The following RAD52 variants were observed in gnomAD, a reference collection of about 807,000 sequenced individuals.
The protein encoded by RAD52 is DNA repair protein RAD52 homolog.
Under a neutral mutation model 55.5 loss-of-function variants are expected in RAD52, and 47 were observed. That is an observed-to-expected ratio of 0.85 (90% CI 0.67 to 1.08). The LOEUF (loss-of-function observed/expected upper bound fraction) is 1.08. Ranked by LOEUF, RAD52 falls within the 50% of genes least tolerant of loss-of-function variation. The pLI is 0.00. For synonymous variants in RAD52, 184 were observed against 198.9 expected (o/e 0.92, Z 0.63); for missense variants, 468 against 522.8 (o/e 0.90, Z 1.02).
chr12:928,713 T>C (rs1479020009), intron 5 of RAD52, among the ~76,000 whole-genome samples: 1 of 152,114 alleles, frequency 6.6e-6, no homozygotes, highest in East Asian at 1.9e-4. Flanking sequence ...GTATTTATGT[T>C]TTCTCTTCAC....
intron 1 of RAD52, among the ~76,000 whole-genome samples, chr12:959,734 T>C (rs116273630): frequency 2.0e-3 from 311 of 152,206 alleles, no homozygotes; most frequent in African/African-American, 7.2e-3. Context: ...AAAGACAACA[T>C]ATTTGATTGG....
At chr12:916,602 G>A (rs764697016) in intron 8 of RAD52, 37 bp downstream of exon 8, 81 of 1,600,084 alleles carry the variant, frequency 5.1e-5, no homozygotes, top group Admixed American at 3.1e-4. Flanking sequence ...GACACAGGAG[G>A]GGCCGCAGAG....
intron 7 of RAD52, among the ~76,000 whole-genome samples, chr12:923,573 T>TAAAAAAAAAAA: frequency 7.4e-6 from 1 of 135,434 alleles, no homozygotes; most frequent in Non-Finnish European, 1.6e-5. Flanking sequence ...TAAAATAAAT[T>TAAAAAAAAAAA]AAAAAAAAAA....
chr12:938,300 T>A (rs11064598), intron 1 of RAD52, among the ~76,000 whole-genome samples: 67,435 of 152,042 alleles, frequency 0.44, 15,014 homozygotes, highest in Admixed American at 0.47. Flanking sequence ...CAAGTTGAAA[T>A]CTACAAAGCA....
At chr12:990,317 C>T (rs1399117040), upstream of RAD52, 1 of 152,014 alleles carries the variant, frequency 6.6e-6, no homozygotes, top group Non-Finnish European at 1.5e-5. Context: ...TTATCTACAT[C>T]CTTAAATTAA....
upstream of RAD52, among the ~76,000 whole-genome samples, chr12:951,738 G>A (rs1458676315): frequency 6.6e-6 from 1 of 151,316 alleles, no homozygotes; most frequent in Non-Finnish European, 1.5e-5. Context: ...CCTTTCTTCT[G>A]CTCACTTTAG....
chr12:915,308 A>G (rs1352573689), intron 9 of RAD52, among the ~76,000 whole-genome samples: 1 of 152,218 alleles, frequency 6.6e-6, no homozygotes, highest in African/African-American at 2.4e-5. Context: ...CAATAACTCA[A>G]CAGTAAGGAT....
At chr12:978,112 T>G (rs1958958104) in intron 1 of RAD52, among the ~76,000 whole-genome samples, 1 of 152,264 alleles carries the variant, frequency 6.6e-6, no homozygotes. Flanking sequence ...TTCCATGGTC[T>G]CATGTTTCTT....
rs1369470864 is a variant in RAD52, at chr12:912,655, A to T, written c.*736T>A. On this transcript the variant is annotated 3_prime_UTR_variant, in exon 12 of 12. Coordinates refer to ENST00000358495, the MANE Select transcript of RAD52 (RefSeq NM_134424.4). ...GGTGGGAGTATCACTTGGGCCCAAG[A>T]GGTTGTGGAGAGAGCTGTGTTTGCA... 6.5e-6 allele frequency: 1 copy of T among 154,270 alleles called. No homozygotes were observed. The highest frequency in any genetic ancestry group is 1.3e-5 in the Non-Finnish European group (1 of 74,974). The allele number at this position is 154,270 out of a possible 1,614,324, so 9.6% of individuals were successfully genotyped here. A position where few individuals can be genotyped will look rare whatever the true frequency, so the allele number is the denominator to read the frequency against.
chr12:931,442 G>T, intron 2 of RAD52, 121 bp from the exon 3 acceptor site: 1 of 658,134 alleles, frequency 1.5e-6, no homozygotes, highest in Non-Finnish European at 2.5e-6. Flanking sequence ...TGTTTATGTG[G>T]GTTCTATGTA....
In RAD52 at chr12:925,513, A is replaced by G. The variant is rs574333345; in HGVS notation, c.480T>C (p.Asn160=). 272 of 1,613,646 alleles carry G rather than the reference A, an allele frequency of 1.7e-4. No homozygotes were observed. The South Asian group carries it at 2.9e-3, about 17-fold the overall frequency. The stretch of plus-strand genomic sequence containing the variant: ...TGTCCAGAATACAGTTTCCAAGTGC[A>G]TTCCCAAAACTCCTAAGGGCAAGAG... The part of the protein sequence containing the change: ...GLKRALRSFG[N]ALGNCILDKD... Residue 160 remains asparagine, a synonymous_variant, in exon 7 of 12, where the codon AAT becomes AAC. Coordinates refer to ENST00000358495, the MANE Select transcript of RAD52 (RefSeq NM_134424.4).
upstream of RAD52, among the ~76,000 whole-genome samples, chr12:951,901 GTATTT>G (rs914301249): frequency 7.8e-4 from 119 of 152,108 alleles, no homozygotes; most frequent in African/African-American, 2.8e-3. Context: ...TGGGGTAAAT[GTATTT>G]TAAAGTTACC....
rs1260492139 is a variant in RAD52 at position 914,062 on chromosome 12, C to G, written c.1027G>C (p.Val343Leu). ...GGGTCTGCTCTAGACGAGGGCTTGACCACACCATCCCCTGCATCGGGAGTC... is the reference window on the plus strand; with the variant it reads ...GGGTCTGCTCTAGACGAGGGCTTGAGCACACCATCCCCTGCATCGGGAGTC... ...AVTPDAGDGVVKPSSRADPAQ... is the reference protein window; with the variant it reads ...AVTPDAGDGVLKPSSRADPAQ... Residue 343 changes from valine (V) to leucine (L), a missense_variant, in exon 11 of 12, where the codon GTC becomes CTC. Physicochemically the swap from Val to Leu is conservative, Grantham distance 32. Coordinates refer to ENST00000358495, the MANE Select transcript of RAD52 (RefSeq NM_134424.4). 1.2e-6 allele frequency: 2 copies of G among 1,614,018 alleles called. No individual in the cohort carries two copies. Among genetic ancestry groups the G allele is most frequent in the Non-Finnish European group, 1.7e-6 (2 of 1,180,032 alleles).
In RAD52 at chr12:957,466, CAAAAAAAAAA is replaced by C. The variant is rs71055109; in HGVS notation, c.-18-24400_-18-24391del. ...AGGCAACAAGAGTAAAACTTCGTCT[CAAAAAAAAAA>C]AAAAAAAAAAAAAAGAATTGTCATT... is the stretch of plus-strand genomic sequence containing the variant. On this transcript the variant is annotated intron_variant, in intron 1 of 11. Coordinates refer to the RAD52 transcript ENST00000430095. Among the ~76,000 whole-genome samples, 31 of 44,058 alleles carry C rather than the reference CAAAAAAAAAA, an allele frequency of 7.0e-4. No homozygotes were observed. In the East Asian group the frequency reaches 0.017, roughly 24 times the overall value. The allele number at this position is 44,058 out of a possible 152,430, so 28.9% of individuals were successfully genotyped here. A position where few individuals can be genotyped will look rare whatever the true frequency, so the allele number is the denominator to read the frequency against.
intron 1 of RAD52, among the ~76,000 whole-genome samples, chr12:965,965 T>G (rs879769123): frequency 6.6e-6 from 1 of 151,986 alleles, no homozygotes; most frequent in Admixed American, 6.5e-5. Context: ...ATTACAGGCA[T>G]GAACCACTGT....
chr12:963,530 T>C (rs12816367), intron 1 of RAD52, among the ~76,000 whole-genome samples: 19,756 of 152,198 alleles, frequency 0.13, 1,582 homozygotes, highest in Non-Finnish European at 0.18. Context: ...AATTATCCCA[T>C]CCATAAATAT....
rs533009462 is a variant in RAD52 at position 960,213 on chromosome 12, G to T, written c.-18-27137C>A. Among the ~76,000 whole-genome samples, 710 of 152,274 alleles carry T rather than the reference G, an allele frequency of 4.7e-3. 1 individual carries two copies. Among genetic ancestry groups the T allele is most frequent in the Non-Finnish European group, 7.9e-3 (540 of 68,008 alleles). ...ATGGATTGTAGGGAAATGTGTGGAT[G>T]CAGGGGCACCAGCTAGGAGCTGAGA... On this transcript the variant is annotated intron_variant, in intron 1 of 11. Transcript: ENST00000430095.
At chr12:924,772 AGAACTAAG>A (rs1322636472) in intron 7 of RAD52, among the ~76,000 whole-genome samples, 1 of 152,174 alleles carries the variant, frequency 6.6e-6, no homozygotes, top group East Asian at 1.9e-4. Context: ...TAATGACACC[AGAACTAAG>A]GAAAAGAAAG....
intron 1 of RAD52, among the ~76,000 whole-genome samples, chr12:959,016 G>A (rs563419137): frequency 2.0e-5 from 3 of 152,158 alleles, no homozygotes; most frequent in South Asian, 2.1e-4. Context: ...TGATCCAGGC[G>A]CTGTCACTCC....
Sources: allele counts gnomAD v4.1 joint callset (sites outside exome capture counted in the v4.1 genomes callset), GRCh38; gene constraint gnomAD v4.1.1; transcripts MANE v1.5; gene names NCBI Gene and HGNC (gene_info 2026-07-23, HGNC 2026-07-21).